ANK1: variants seen among roughly 807,000 people sequenced by gnomAD.
The protein encoded by ANK1 is ankyrin-1.
A neutral mutation model predicts 210.4 loss-of-function variants in ANK1; 51 were observed. The observed-to-expected ratio is 0.24, with a 90% confidence interval of 0.19 to 0.31. The LOEUF (loss-of-function observed/expected upper bound fraction) is 0.31, where lower values mean the gene tolerates loss of function less well. Ranked by LOEUF, ANK1 falls within the 10% of genes least tolerant of loss-of-function variation. The probability of loss-of-function intolerance (pLI) is 1.00; values close to 1 mark genes in which losing one functional copy is unlikely to be tolerated. For missense variants in ANK1, 2,051 were observed against 2,504.4 expected, an observed-to-expected ratio of 0.82 and a Z score of 3.86; for synonymous variants, 967 against 1,025.9, an observed-to-expected ratio of 0.94 and a Z score of 1.10.
At chr8:41,655,795 A>C (rs1179150847) in intron 42 of ANK1, 42 bp from the exon 43 acceptor site, 1 of 1,606,000 alleles carries the variant, frequency 6.2e-7, no homozygotes. Flanking sequence ...AGAATGCAAA[A>C]GTGCAACGTC....
At chr8:41,778,341 C>T (rs766150967) in intron 1 of ANK1, among the ~76,000 whole-genome samples, 8 of 152,198 alleles carry the variant, frequency 5.3e-5, no homozygotes, top group South Asian at 2.1e-4. Flanking sequence ...GCAACAAGAA[C>T]CACCAGGAGT....
intron 35 of ANK1, 59 bp downstream of exon 35, chr8:41,688,097 A>G (rs986011141): frequency 1.3e-6 from 2 of 1,544,242 alleles, no homozygotes; most frequent in East Asian, 4.5e-5. Flanking sequence ...TGCTCATTAC[A>G]GGGGAAGAGG....
chr8:41,722,698 A>G (rs1276692154), intron 9 of ANK1, among the ~76,000 whole-genome samples: 1 of 152,232 alleles, frequency 6.6e-6, no homozygotes, highest in African/African-American at 2.4e-5. Flanking sequence ...AGCTAGGAAG[A>G]GAGACATAGG....
chr8:41,878,380 G>A (rs1250438691), intron 1 of ANK1, among the ~76,000 whole-genome samples: 1 of 152,200 alleles, frequency 6.6e-6, no homozygotes, highest in Non-Finnish European at 1.5e-5. Context: ...AGAGGCAAAG[G>A]TGGAAGGAAC....
At chr8:41,661,307 C>A (rs552686822) in intron 42 of ANK1, 123 bp downstream of exon 42, 2 of 1,420,380 alleles carry the variant, frequency 1.4e-6, no homozygotes, top group Non-Finnish European at 1.9e-6. Context: ...TGCCTCGAGA[C>A]ACAACAACAA....
intron 1 of ANK1, among the ~76,000 whole-genome samples, chr8:41,803,893 T>C (rs948613861): frequency 2.0e-5 from 3 of 152,196 alleles, no homozygotes; most frequent in African/African-American, 7.2e-5. Flanking sequence ...AATGAATTAC[T>C]TGTAATATAG....
intron 1 of ANK1, chr8:41,896,266 C>T: frequency 6.9e-7 from 1 of 1,442,528 alleles, no homozygotes. Flanking sequence ...GCGCCGCGCC[C>T]CACCGCGTCC....
rs759165410 is a variant in ANK1 at position 41,692,898 on chromosome 8, G to C, written c.3630-22C>G. ...AAACCTAAAAAGTAGGGCGAGTTAT[G>C]TGTTCCCAAGTGCCCAACAGAGAGC... On this transcript the variant is annotated intron_variant, in intron 30 of 42. Transcript: ENST00000289734. The C allele has an allele frequency of 2.5e-6, 4 of 1,604,752 alleles. No homozygotes were observed. The East Asian group carries it at 8.9e-5, about 36-fold the overall frequency.
chr8:41,757,302 T>C (rs1382037547), intron 2 of ANK1, among the ~76,000 whole-genome samples: 1 of 152,186 alleles, frequency 6.6e-6, no homozygotes, highest in Non-Finnish European at 1.5e-5. Context: ...CATGTGTAAC[T>C]AAACAACTTA....
chr8:41,683,783 C>T (rs1163433994), intron 37 of ANK1, among the ~76,000 whole-genome samples: 3 of 152,134 alleles, frequency 2.0e-5, no homozygotes, highest in South Asian at 2.1e-4. Context: ...TTTATGTGCC[C>T]GCTGGCCAGA....
At position 41,668,184 on chromosome 8, in the gene ANK1, G is replaced by A. The variant is rs577416598; in HGVS notation, c.5394+83C>T. ...GGGATATGCTTAGCTCAGGGCTTGA[G>A]TGCCTGAGAGGCAGCCCTGGAGTCC... On this transcript the variant is annotated intron_variant, in intron 39 of 42. Transcript: ENST00000289734. The A allele has an allele frequency of 1.4e-4, 216 of 1,572,932 alleles. 1 individual carries two copies. The African/African-American group carries it at 2.7e-3, about 19-fold the overall frequency.
intron 40 of ANK1, among the ~76,000 whole-genome samples, chr8:41,662,538 G>C (rs1218215381): frequency 1.3e-5 from 2 of 152,222 alleles, no homozygotes; most frequent in Non-Finnish European, 2.9e-5. Flanking sequence ...ATGGATGGGA[G>C]TTTGTGCTCT....
At chr8:41,774,140 A>G (rs1172249302) in intron 1 of ANK1, among the ~76,000 whole-genome samples, 1 of 152,000 alleles carries the variant, frequency 6.6e-6, no homozygotes, top group African/African-American at 2.4e-5. Context: ...GTAGGAGACG[A>G]GGTCTCTTCT....
At chr8:41,874,488 T>C (rs889218495) in intron 1 of ANK1, among the ~76,000 whole-genome samples, 1 of 152,174 alleles carries the variant, frequency 6.6e-6, no homozygotes, top group African/African-American at 2.4e-5. Flanking sequence ...CCCAACCTCC[T>C]CCACCCCATC....
rs200082332 is a variant in ANK1 at position 41,701,616 on chromosome 8, T to G, written c.2395A>C (p.Ser799Arg). 1.6e-5 allele frequency: 26 copies of G among 1,613,944 alleles called. No individual in the cohort carries two copies. Among genetic ancestry groups the G allele is most frequent in the Middle Eastern group, 1.6e-4 (1 of 6,084 alleles). ...VTDETSFVLV[S>R]DKHRMSFPET... ...GGGAAACTCATTCGATGCTTATCACTGACTAACTAAAACGAGAAAAAGCAG... is the reference window on the plus strand; with the variant it reads ...GGGAAACTCATTCGATGCTTATCACGGACTAACTAAAACGAGAAAAAGCAG... Residue 799 changes from serine (S) to arginine (R), a missense_variant, in exon 22 of 43, where the codon AGT becomes CGT. By Grantham distance (110) the Ser-to-Arg change is moderately radical. Coordinates refer to ENST00000289734, the MANE Select transcript of ANK1 (RefSeq NM_000037.4).
At chr8:41,859,106 T>C (rs1219744690) in intron 1 of ANK1, among the ~76,000 whole-genome samples, 1 of 152,204 alleles carries the variant, frequency 6.6e-6, no homozygotes, top group Non-Finnish European at 1.5e-5. Context: ...TCCTGGGGAT[T>C]TCCCGCCCAA....
In ANK1 at chr8:41,740,780, C is replaced by T. The variant is rs1441153933; in HGVS notation, c.130-6711G>A. ...AGCTCAGGCCTCTGGGGCTGACACA[C>T]AGGTCTTTGCTCAACCATGTCCCCT... On this transcript the variant is annotated intron_variant, in intron 2 of 42. Coordinates refer to ENST00000289734, the MANE Select transcript of ANK1 (RefSeq NM_000037.4). Among the ~76,000 whole-genome samples, 3 of 152,206 alleles carry T rather than the reference C, an allele frequency of 2.0e-5. No individual in the cohort carries two copies. In the East Asian group the frequency reaches 5.8e-4, roughly 29 times the overall value.
chr8:41,697,197 C>T (rs764734419), intron 24 of ANK1, among the ~76,000 whole-genome samples: 2 of 152,202 alleles, frequency 1.3e-5, no homozygotes, highest in African/African-American at 4.8e-5. Context: ...TAGCTGTGGG[C>T]GGACTACCTG....
At chr8:41,660,021 T>C (rs1376908339) in intron 42 of ANK1, among the ~76,000 whole-genome samples, 1 of 152,028 alleles carries the variant, frequency 6.6e-6, no homozygotes, top group Non-Finnish European at 1.5e-5. Flanking sequence ...GTCAGAAAAG[T>C]GTACTTTTCC....
Sources: allele counts gnomAD v4.1 joint callset (sites outside exome capture counted in the v4.1 genomes callset), GRCh38; gene constraint gnomAD v4.1.1; transcripts MANE v1.5; gene names NCBI Gene and HGNC (gene_info 2026-07-23, HGNC 2026-07-21).